Variants in FHIT observed in about 807,000 individuals in gnomAD.
FHIT encodes fragile histidine triad diadenosine triphosphatase, also known as bis(5'-adenosyl)-triphosphatase.
Under a neutral mutation model 17.9 loss-of-function variants are expected in FHIT, and 19 were observed. That is an observed-to-expected ratio of 1.06 (90% CI 0.74 to 1.56). The LOEUF (loss-of-function observed/expected upper bound fraction) is 1.56, where lower values mean the gene tolerates loss of function less well. Among genes scored for constraint, FHIT ranks in the 40% most tolerant of loss-of-function variants. The pLI is 0.00. For synonymous variants in FHIT, 81 were observed against 69.7 expected, an observed-to-expected ratio of 1.16 and a Z score of -0.81; for missense variants, 248 against 189.2, an observed-to-expected ratio of 1.31 and a Z score of -1.82.
At chr3:60,665,252 G>A (rs781879263) in intron 4 of FHIT, among the ~76,000 whole-genome samples, 5 of 152,014 alleles carry the variant, frequency 3.3e-5, no homozygotes, top group Non-Finnish European at 5.9e-5. Flanking sequence ...ATATTCTGCT[G>A]TTGTTGGATG....
intron 5 of FHIT, among the ~76,000 whole-genome samples, chr3:60,078,250 G>A (rs1476802940): frequency 2.0e-5 from 3 of 152,026 alleles, no homozygotes; most frequent in African/African-American, 7.2e-5. Flanking sequence ...GGAGAAACCT[G>A]GTAGACACCA....
intron 3 of FHIT, among the ~76,000 whole-genome samples, chr3:60,962,113 G>T (rs1279215919): frequency 6.6e-6 from 1 of 152,106 alleles, no homozygotes; most frequent in Admixed American, 6.5e-5. Context: ...ATTGAGCAGT[G>T]GTTTGTAGTT....
Position 61,019,779 on chromosome 3 carries a change from T to A in FHIT, c.-111+22268A>T, listed in dbSNP as rs193010329. Among the ~76,000 whole-genome samples the A allele has an allele frequency of 9.8e-5, 15 of 152,370 alleles. No homozygotes were observed. The South Asian group carries it at 2.9e-3, about 29-fold the overall frequency. On this transcript the variant is annotated intron_variant, in intron 3 of 9. Coordinates refer to ENST00000492590, the MANE Select transcript of FHIT (RefSeq NM_002012.4). The stretch of plus-strand genomic sequence containing the variant: ...CTCTCTGTGAAAAGCTGTCATTTCT[T>A]GTTCTATTCAAGTCAGACTACCTAG...
At chr3:60,682,971 C>G (rs1168041772) in intron 4 of FHIT, among the ~76,000 whole-genome samples, 2 of 152,064 alleles carry the variant, frequency 1.3e-5, no homozygotes, top group African/African-American at 4.8e-5. Context: ...TTGAGGGGTT[C>G]AAGACTTCAG....
intron 3 of FHIT, among the ~76,000 whole-genome samples, chr3:60,866,796 T>G (rs151162506): frequency 3.4e-4 from 52 of 152,294 alleles, no homozygotes; most frequent in African/African-American, 1.2e-3. Flanking sequence ...TATAATTATC[T>G]TACCATCCAG....
At chr3:60,523,138 G>A (rs540919623) in intron 5 of FHIT, among the ~76,000 whole-genome samples, 63 of 152,154 alleles carry the variant, frequency 4.1e-4, no homozygotes, top group Admixed American at 3.3e-3. Context: ...TATCTCCCAC[G>A]GGCTCCCTCC....
At chr3:60,702,775 T>A (rs1274441892) in intron 4 of FHIT, among the ~76,000 whole-genome samples, 8 of 152,296 alleles carry the variant, frequency 5.3e-5, no homozygotes, top group African/African-American at 1.7e-4. Context: ...TAGCAAATAT[T>A]CCTGTGTATT....
rs35545161 is a variant in FHIT at position 60,609,022 on chromosome 3, GAA to G, written c.-17-72045_-17-72044del. Reference sequence around the variant, plus strand: ...GCATATGCTGGTCACGCACAATTTGGAAAAAAAAAAAAAAAGTATATAAATGT... The same window carrying G: ...GCATATGCTGGTCACGCACAATTTGGAAAAAAAAAAAAAGTATATAAATGT... On this transcript the variant is annotated intron_variant, in intron 4 of 9. Transcript: ENST00000492590. Among the ~76,000 whole-genome samples, 371 of 141,642 alleles carry G rather than the reference GAA, an allele frequency of 2.6e-3. 7 individuals carry two copies. Among genetic ancestry groups the G allele is most frequent in the Admixed American group, 0.019 (277 of 14,214 alleles). 92.9% of individuals were successfully genotyped at this position (141,642 alleles called of 152,430 possible). A position where few individuals can be genotyped will look rare whatever the true frequency, so the allele number is the denominator to read the frequency against.
chr3:60,519,226 G>GA (rs1379487003), intron 5 of FHIT, among the ~76,000 whole-genome samples: 2 of 152,188 alleles, frequency 1.3e-5, no homozygotes, highest in African/African-American at 4.8e-5. Flanking sequence ...CTTATGATTA[G>GA]AAAAAATAAA....
At chr3:60,499,621 C>T (rs952825839) in intron 5 of FHIT, among the ~76,000 whole-genome samples, 4 of 152,070 alleles carry the variant, frequency 2.6e-5, no homozygotes, top group African/African-American at 7.2e-5. Context: ...CCTCGTGATC[C>T]GCCCGCCTCG....
chr3:60,637,645 A>C (rs1278332746), intron 4 of FHIT, among the ~76,000 whole-genome samples: 1 of 152,230 alleles, frequency 6.6e-6, no homozygotes, highest in East Asian at 1.9e-4. Context: ...TATTTCAATT[A>C]TCATTCCCAT....
At chr3:60,486,085 T>C (rs765789434) in intron 5 of FHIT, among the ~76,000 whole-genome samples, 2 of 152,106 alleles carry the variant, frequency 1.3e-5, no homozygotes, top group South Asian at 2.1e-4. Flanking sequence ...CTCCTCACAA[T>C]GCCTATTTCT....
At chr3:60,433,442 T>C (rs188416223) in intron 5 of FHIT, among the ~76,000 whole-genome samples, 57 of 152,266 alleles carry the variant, frequency 3.7e-4, no homozygotes, top group Non-Finnish European at 6.2e-4. Context: ...AGAAGTGGTA[T>C]TGCTAGATCA....
intron 4 of FHIT, among the ~76,000 whole-genome samples, chr3:60,738,834 C>T (rs782814079): frequency 6.6e-6 from 1 of 152,228 alleles, no homozygotes; most frequent in Non-Finnish European, 1.5e-5. Flanking sequence ...AACCTCAAGC[C>T]TGGAGACCTG....
chr3:59,782,807 T>C (rs1163162963), intron 8 of FHIT, among the ~76,000 whole-genome samples: 2 of 151,772 alleles, frequency 1.3e-5, no homozygotes, highest in Admixed American at 6.6e-5. Flanking sequence ...TTCTGGCATT[T>C]TTTTTTCCCC....
In FHIT at chr3:60,101,669, G is replaced by A. The variant is rs539404386; in HGVS notation, c.104-87517C>T. On this transcript the variant is annotated intron_variant, in intron 5 of 9. Coordinates refer to ENST00000492590, the MANE Select transcript of FHIT (RefSeq NM_002012.4). ...GCACAGCCCTTGTTTATCTTCTTTG[G>A]CATTGTACCCCCTATTAACCTGCAA... 3.3e-5 allele frequency among the ~76,000 whole-genome samples: 5 copies of A among 152,150 alleles called. No individual in the cohort carries two copies. In the South Asian group the frequency reaches 1.0e-3, roughly 32 times the overall value.
At chr3:60,672,622 C>A (rs148319161) in intron 4 of FHIT, among the ~76,000 whole-genome samples, 69 of 152,274 alleles carry the variant, frequency 4.5e-4, no homozygotes, top group African/African-American at 1.6e-3. Flanking sequence ...ACAGGGGATG[C>A]GATGGCTTGG....
intron 4 of FHIT, among the ~76,000 whole-genome samples, chr3:60,552,325 T>C (rs1394775687): frequency 6.6e-6 from 1 of 152,230 alleles, no homozygotes; most frequent in African/African-American, 2.4e-5. Context: ...ATGTTTTCAA[T>C]TATTGAACGT....
In FHIT at chr3:60,439,039, G is replaced by T. The variant is rs115173352; in HGVS notation, c.103+97821C>A. 5.4e-3 allele frequency among the ~76,000 whole-genome samples: 822 copies of T among 152,256 alleles called. 9 individuals carry two copies. Among genetic ancestry groups the T allele is most frequent in the African/African-American group, 0.019 (788 of 41,576 alleles). ...TCGAAAGATGAGATAAATCGAATTG[G>T]TGAGAGTGATTGGCTTTATATTAGA... On this transcript the variant is annotated intron_variant, in intron 5 of 9. Coordinates refer to ENST00000492590, the MANE Select transcript of FHIT (RefSeq NM_002012.4).
Sources: allele counts gnomAD v4.1 joint callset (sites outside exome capture counted in the v4.1 genomes callset), GRCh38; gene constraint gnomAD v4.1.1; transcripts MANE v1.5; gene names NCBI Gene and HGNC (gene_info 2026-07-23, HGNC 2026-07-21).